SPHKAP: variants seen among roughly 807,000 people sequenced by gnomAD.
SPHKAP encodes the protein SPHK1 interactor, AKAP domain containing.
In SPHKAP, 67 loss-of-function variants were observed where a neutral mutation model predicts 137.5. The observed-to-expected ratio is 0.49, with a 90% confidence interval of 0.40 to 0.60. SPHKAP has a LOEUF of 0.60. SPHKAP is among the 20% of genes least tolerant of loss of function. SPHKAP has a pLI of 0.00. For synonymous variants in SPHKAP, 813 were observed against 785.3 expected (o/e 1.04, Z -0.59); for missense variants, 2,097 against 2,069.3 (o/e 1.01, Z -0.26).
intron 3 of SPHKAP, among the ~76,000 whole-genome samples, chr2:228,106,704 T>C (rs1009334287): frequency 6.6e-6 from 1 of 152,192 alleles, no homozygotes; most frequent in Non-Finnish European, 1.5e-5. Flanking sequence ...GTCCATCACC[T>C]CTGTGGTTTA....
chr2:228,177,394 G>A (rs1431586218), intron 1 of SPHKAP, among the ~76,000 whole-genome samples: 3 of 152,146 alleles, frequency 2.0e-5, no homozygotes, highest in Non-Finnish European at 4.4e-5. Context: ...TGTGCCCACA[G>A]CTCAGTGCTG....
intron 1 of SPHKAP, among the ~76,000 whole-genome samples, chr2:228,139,111 A>C (rs1699517195): frequency 6.6e-6 from 1 of 152,226 alleles, no homozygotes; most frequent in African/African-American, 2.4e-5. Flanking sequence ...TTATTAAAAG[A>C]AGATGAAAAG....
intron 3 of SPHKAP, among the ~76,000 whole-genome samples, chr2:228,078,472 G>A (rs1431491474): frequency 2.1e-5 from 3 of 141,780 alleles, no homozygotes; most frequent in African/African-American, 8.0e-5. Flanking sequence ...TAACTCTTCT[G>A]TGGTGGTGGT....
chr2:228,113,407 A>G (rs988451342), intron 2 of SPHKAP, among the ~76,000 whole-genome samples: 9 of 152,148 alleles, frequency 5.9e-5, no homozygotes, highest in Admixed American at 6.6e-5. Context: ...TAAGTGCCCG[A>G]TAGGCATTAG....
chr2:228,140,763 T>C (rs1010493616), intron 1 of SPHKAP, among the ~76,000 whole-genome samples: 2 of 152,136 alleles, frequency 1.3e-5, no homozygotes, highest in Non-Finnish European at 2.9e-5. Context: ...CAATAGTGAC[T>C]GACTTTTCGT....
At chr2:228,011,506 T>C (rs955586928) in intron 7 of SPHKAP, among the ~76,000 whole-genome samples, 4 of 152,234 alleles carry the variant, frequency 2.6e-5, no homozygotes, top group Non-Finnish European at 5.9e-5. Flanking sequence ...GAAATTTCTA[T>C]AATTACTATT....
intron 3 of SPHKAP, among the ~76,000 whole-genome samples, chr2:228,038,187 TA>T (rs1695704383): frequency 6.6e-6 from 1 of 152,070 alleles, no homozygotes; most frequent in African/African-American, 2.4e-5. Flanking sequence ...GACATGTCCT[TA>T]AAGTGACAGA....
chr2:227,990,436 C>T (rs771274901), intron 11 of SPHKAP, among the ~76,000 whole-genome samples: 1 of 152,118 alleles, frequency 6.6e-6, no homozygotes, highest in Non-Finnish European at 1.5e-5. Flanking sequence ...AAGATTCTAC[C>T]GCAGTTAATG....
At chr2:228,044,640 T>A (rs1396758994) in intron 3 of SPHKAP, among the ~76,000 whole-genome samples, 1 of 152,150 alleles carries the variant, frequency 6.6e-6, no homozygotes. Flanking sequence ...CAAACTATAG[T>A]TGACACATAA....
chr2:228,045,445 G>C (rs1696004440), intron 3 of SPHKAP, among the ~76,000 whole-genome samples: 1 of 146,984 alleles, frequency 6.8e-6, no homozygotes, highest in Admixed American at 6.9e-5. Flanking sequence ...CATGTCCTTT[G>C]TAGGGACATG....
At chr2:228,174,373 A>C (rs1700677639) in intron 1 of SPHKAP, among the ~76,000 whole-genome samples, 1 of 152,128 alleles carries the variant, frequency 6.6e-6, no homozygotes, top group Non-Finnish European at 1.5e-5. Flanking sequence ...GAAATAAACA[A>C]AGCTATGTGG....
At chr2:228,109,008 T>A in intron 2 of SPHKAP, 69 bp from the exon 3 acceptor site, 4 of 503,366 alleles carry the variant, frequency 7.9e-6, no homozygotes, top group African/African-American at 3.7e-5. Context: ...GCTCTCTCTC[T>A]TTTTTTTTTT....
At chr2:228,097,756 G>T (rs750645803) in intron 3 of SPHKAP, among the ~76,000 whole-genome samples, 1 of 152,110 alleles carries the variant, frequency 6.6e-6, no homozygotes, top group African/African-American at 2.4e-5. Context: ...GACAACATGT[G>T]GTAGTTAGCT....
intron 2 of SPHKAP, among the ~76,000 whole-genome samples, chr2:228,115,986 G>T (rs188958399): frequency 6.6e-6 from 1 of 152,242 alleles, no homozygotes; most frequent in East Asian, 1.9e-4. Flanking sequence ...TCTCCCATGT[G>T]AGGATATGGC....
intron 11 of SPHKAP, among the ~76,000 whole-genome samples, chr2:227,983,237 T>C (rs1290488647): frequency 5.3e-5 from 8 of 152,220 alleles, no homozygotes; most frequent in Non-Finnish European, 1.0e-4. Context: ...AGTTGTCTCA[T>C]AGAGATCCGC....
chr2:228,022,306 A>C (rs1694870945), intron 5 of SPHKAP: 1 of 484,308 alleles, frequency 2.1e-6, no homozygotes, highest in African/African-American at 2.1e-5. Context: ...GAGAGGCCAG[A>C]ATTAAGTTGG....
At chr2:228,072,486 C>T (rs567442284) in intron 3 of SPHKAP, among the ~76,000 whole-genome samples, 9 of 152,058 alleles carry the variant, frequency 5.9e-5, no homozygotes, top group African/African-American at 1.9e-4. Flanking sequence ...AGGAGATGAC[C>T]CCAGTGTACA....
At chr2:228,009,042 G>A (rs1052051078) in intron 7 of SPHKAP, among the ~76,000 whole-genome samples, 1 of 152,172 alleles carries the variant, frequency 6.6e-6, no homozygotes, top group African/African-American at 2.4e-5. Context: ...GGATTGTAAT[G>A]AATCTATAGA....
chr2:228,096,728 T>C (rs1697997037), intron 3 of SPHKAP, among the ~76,000 whole-genome samples: 1 of 152,008 alleles, frequency 6.6e-6, no homozygotes, highest in African/African-American at 2.4e-5. Flanking sequence ...GTCTGGAATA[T>C]GAAATGAAAG....
Sources: gnomAD v4.1 joint callset for allele counts (sites outside exome capture counted in the v4.1 genomes callset) on GRCh38, gnomAD v4.1.1 for gene constraint, MANE v1.5 for transcripts, NCBI Gene and HGNC (gene_info 2026-07-23, HGNC 2026-07-21) for gene names.